Variants in RP1 observed in about 807,000 individuals in gnomAD.
RP1 encodes RP1 axonemal microtubule associated, also known as oxygen-regulated protein 1.
In RP1, 16 loss-of-function variants were observed where a neutral mutation model predicts 14.8. That is an observed-to-expected ratio of 1.08 (90% CI 0.73 to 1.65). RP1 has a LOEUF of 1.65. Ranked by LOEUF, RP1 falls within the 40% of genes most tolerant of loss-of-function variation. The pLI is 0.00. For missense variants in RP1, 2,631 were observed against 2,535.0 expected (o/e 1.04, Z -0.81); for synonymous variants, 876 against 883.6 (o/e 0.99, Z 0.15).
Position 54,600,971 on chromosome 8 carries a change from A to T in RP1, c.-12-19984A>T, listed in dbSNP as rs559669791. ...TCCTGTCTTCTTGTCTGTGTCTTTC[A>T]GTGTATTTGCTTTATATATAATGTC... On this transcript the variant is annotated intron_variant, in intron 1 of 22. Coordinates refer to the RP1 transcript ENST00000636932. Among the ~76,000 whole-genome samples the T allele has an allele frequency of 2.0e-5, 3 of 152,172 alleles. No individual in the cohort carries two copies. The South Asian group carries it at 6.2e-4, about 32-fold the overall frequency.
chr8:54,629,219 C>T lies in RP1; in HGVS notation c.5337C>T (p.Asn1779=). ...TTSVDTLLDN[N]SSEVPYSHFG... The stretch of plus-strand genomic sequence containing the variant: ...CAGTGGACACCCTACTTGATAATAA[C>T]AGCAGTGAGGTACCATATTCACATT... The change falls in exon 4 of 4, where the codon AAC becomes AAT. Residue 1779 remains asparagine, a synonymous_variant. Transcript: ENST00000220676. 1 of 1,614,086 alleles carries T rather than the reference C, an allele frequency of 6.2e-7. No homozygotes were observed. Among genetic ancestry groups the T allele is most frequent in the South Asian group, 1.1e-5 (1 of 91,084 alleles).
intron 15 of RP1, among the ~76,000 whole-genome samples, chr8:54,709,007 G>T (rs7015806): frequency 6.6e-6 from 1 of 152,164 alleles, no homozygotes; most frequent in African/African-American, 2.4e-5. Context: ...TCATTCTTCA[G>T]ATGCTGAAGC....
Position 54,701,811 on chromosome 8 carries a change from A to C in RP1, c.1998+149A>C, listed in dbSNP as rs377117500. 4.5e-4 allele frequency: 301 copies of C among 674,998 alleles called. 10 individuals carry two copies. In the South Asian group the frequency reaches 5.7e-3, roughly 13 times the overall value. The allele number at this position is 674,998 out of a possible 1,614,324, so 41.8% of individuals were successfully genotyped here. On this transcript the variant is annotated intron_variant, in intron 14 of 22. Coordinates refer to the RP1 transcript ENST00000636932. The stretch of plus-strand genomic sequence containing the variant: ...GGTGCCTATTTCCATTCTGTTTGGC[A>C]GACTTTGAAAGGCAATAGAGATGAC...
Position 54,628,263 on chromosome 8 carries a change from A to C in RP1, c.4381A>C (p.Asn1461His). 1 of 1,613,974 alleles carries C rather than the reference A, an allele frequency of 6.2e-7. No individual in the cohort carries two copies. Among genetic ancestry groups the C allele is most frequent in the African/African-American group, 1.3e-5 (1 of 75,048 alleles). Reference protein sequence around the residue: ...ITNSMTSSERNISELESFEEL... With the variant: ...ITNSMTSSERHISELESFEEL... ...CAACAGCATGACATCAAGTGAAAGA[A>C]ACATTTCAGAATTGGAATCTTTTGA... The change falls in exon 4 of 4, where the codon AAC becomes CAC. Residue 1461 changes from asparagine to histidine, a missense_variant. Asn to His is a moderately conservative substitution (Grantham distance 68, BLOSUM62 1). Coordinates refer to ENST00000220676, the MANE Select transcript of RP1 (RefSeq NM_006269.2).
chr8:54,753,981 A>T (rs1315970936), intron 19 of RP1, among the ~76,000 whole-genome samples: 1 of 152,146 alleles, frequency 6.6e-6, no homozygotes, highest in Non-Finnish European at 1.5e-5. Flanking sequence ...AAGGATGAGG[A>T]CATTTTTATC....
At chr8:54,618,978 T>A (rs1284740377) in intron 1 of RP1, among the ~76,000 whole-genome samples, 1 of 152,164 alleles carries the variant, frequency 6.6e-6, no homozygotes, top group Non-Finnish European at 1.5e-5. Flanking sequence ...CTTATTTAAA[T>A]ACTGAAGGAA....
upstream of RP1, among the ~76,000 whole-genome samples, chr8:54,612,757 G>A (rs1358532696): frequency 1.3e-5 from 2 of 152,160 alleles, no homozygotes; most frequent in African/African-American, 4.8e-5. Flanking sequence ...AGCCACACTG[G>A]TCTTCTTATA....
chr8:54,697,453 G>C (rs545874785), intron 12 of RP1, among the ~76,000 whole-genome samples: 1 of 152,292 alleles, frequency 6.6e-6, no homozygotes, highest in Admixed American at 6.5e-5. Context: ...TACTCAGGAG[G>C]CTGAGGCAGG....
intron 1 of RP1, among the ~76,000 whole-genome samples, chr8:54,598,060 A>G (rs969755255): frequency 6.6e-6 from 1 of 152,136 alleles, no homozygotes; most frequent in East Asian, 1.9e-4. Flanking sequence ...ATCTATTCTC[A>G]ATCTCTGTAA....
chr8:54,850,488 T>A (rs1439074510), intron 25 of RP1, among the ~76,000 whole-genome samples: 1 of 152,220 alleles, frequency 6.6e-6, no homozygotes, highest in Non-Finnish European at 1.5e-5. Context: ...AATGAATATT[T>A]GTTAGCTAGG....
At chr8:54,742,328 G>C (rs7824820) in intron 19 of RP1, among the ~76,000 whole-genome samples, 2 of 151,994 alleles carry the variant, frequency 1.3e-5, no homozygotes, top group African/African-American at 4.8e-5. Context: ...CTAGCAAAAT[G>C]TTTCTTTCTT....
At chr8:54,848,452 T>C (rs1201867226) in intron 25 of RP1, among the ~76,000 whole-genome samples, 4 of 152,104 alleles carry the variant, frequency 2.6e-5, no homozygotes, top group Non-Finnish European at 4.4e-5. Context: ...CTGGTGTGGA[T>C]TGGGCCCAAT....
intron 3 of RP1, among the ~76,000 whole-genome samples, chr8:54,647,539 T>G (rs2129324694): frequency 6.6e-6 from 1 of 152,330 alleles, no homozygotes; most frequent in Middle Eastern, 3.4e-3. Flanking sequence ...CAAATACATT[T>G]TAGTTCAAAG....
Position 54,629,771 on chromosome 8 carries a change from C to A in RP1, c.5889C>A (p.Asp1963Glu), listed in dbSNP as rs1193710335. 1.4e-5 allele frequency: 23 copies of A among 1,607,346 alleles called. No homozygotes were observed. Among genetic ancestry groups the A allele is most frequent in the Non-Finnish European group, 2.0e-5 (23 of 1,177,164 alleles). Residue 1963 changes from aspartate (D) to glutamate (E), a missense_variant, in exon 4 of 4, where the codon GAC becomes GAA. Physicochemically the swap from Asp to Glu is conservative, Grantham distance 45. Transcript: ENST00000220676. ...MKIHPYLLQT[D>E]KNVFREENNK... is the part of the protein sequence containing the mutation. ...TACACCCATATTTACTTCAGACAGA[C>A]AAAAATGTGTTCAGGGAAGAGAACA... is the stretch of plus-strand genomic sequence containing the variant.
intron 19 of RP1, among the ~76,000 whole-genome samples, chr8:54,741,703 G>GTA (rs1220507662): frequency 2.5e-3 from 219 of 87,614 alleles, no homozygotes; most frequent in African/African-American, 0.012. Context: ...ATACAAATGT[G>GTA]TGTGTATATA....
intron 24 of RP1, among the ~76,000 whole-genome samples, chr8:54,823,519 G>A (rs1446694887): frequency 1.3e-5 from 2 of 152,014 alleles, no homozygotes; most frequent in Non-Finnish European, 2.9e-5. Context: ...TAGTAGAGAC[G>A]GGGTTTCACC....
rs546229176 is a variant in RP1, at chr8:54,675,223, C to A, written c.1402+1295C>A. 2.0e-4 allele frequency among the ~76,000 whole-genome samples: 30 copies of A among 152,062 alleles called. No homozygotes were observed. In the South Asian group the frequency reaches 5.4e-3, roughly 27 times the overall value. Reference sequence around the variant, plus strand: ...ATAAAAGAAATAATCTTAGTTTTAACCTTATTATAAGATAAAGTAAAATTC... The same window carrying A: ...ATAAAAGAAATAATCTTAGTTTTAAACTTATTATAAGATAAAGTAAAATTC... On this transcript the variant is annotated intron_variant, in intron 8 of 22. Coordinates refer to the RP1 transcript ENST00000636932.
At chr8:54,623,957 A>T (rs1563329145) in intron 3 of RP1, among the ~76,000 whole-genome samples, 4 of 152,192 alleles carry the variant, frequency 2.6e-5, no homozygotes, top group Non-Finnish European at 4.4e-5. Flanking sequence ...AACCCACAAA[A>T]AACTTTTATC....
chr8:54,587,665 A>G (rs1804962225), intron 1 of RP1, among the ~76,000 whole-genome samples: 1 of 152,232 alleles, frequency 6.6e-6, no homozygotes, highest in South Asian at 2.1e-4. Flanking sequence ...ACAGCAGAAT[A>G]CTTTTACAAA....
Sources: gnomAD v4.1 joint callset for allele counts (sites outside exome capture counted in the v4.1 genomes callset) on GRCh38, gnomAD v4.1.1 for gene constraint, MANE v1.5 for transcripts, NCBI Gene and HGNC (gene_info 2026-07-23, HGNC 2026-07-21) for gene names.